Variants in ZFPM2 observed in about 807,000 individuals in gnomAD.
ZFPM2 encodes the protein zinc finger protein ZFPM2.
ZFPM2 carries 20 observed loss-of-function variants against 98.6 expected under a neutral mutation model. That is an observed-to-expected ratio of 0.20 (90% CI 0.14 to 0.29). The LOEUF (loss-of-function observed/expected upper bound fraction) is 0.29. ZFPM2 is among the 10% of genes least tolerant of loss of function. ZFPM2 has a pLI of 1.00. For synonymous variants in ZFPM2, 518 were observed against 502.7 expected (o/e 1.03, Z -0.41); for missense variants, 1,310 against 1,388.6 (o/e 0.94, Z 0.90).
chr8:105,721,330 T>C (rs939165751), intron 5 of ZFPM2, among the ~76,000 whole-genome samples: 38 of 151,954 alleles, frequency 2.5e-4, no homozygotes, highest in African/African-American at 9.2e-4. Flanking sequence ...ATCCCAGTTA[T>C]AGATAACTGC....
chr8:105,553,793 T>A (rs1036724208), intron 3 of ZFPM2, among the ~76,000 whole-genome samples: 7 of 152,202 alleles, frequency 4.6e-5, no homozygotes, highest in Non-Finnish European at 1.0e-4. Context: ...AGATCAGAAT[T>A]ATCAAGTATC....
At chr8:105,450,739 G>C (rs975265419) in intron 3 of ZFPM2, among the ~76,000 whole-genome samples, 4 of 151,846 alleles carry the variant, frequency 2.6e-5, no homozygotes, top group African/African-American at 9.7e-5. Context: ...TGTATTGGGG[G>C]GGTCAGGAAA....
At chr8:105,787,603 G>A (rs1160315376) in intron 5 of ZFPM2, 1 of 152,082 alleles carries the variant, frequency 6.6e-6, no homozygotes, top group Non-Finnish European at 1.5e-5. Context: ...AGCTCTAAGG[G>A]TGGAAAAAAT....
intron 3 of ZFPM2, among the ~76,000 whole-genome samples, chr8:105,508,228 G>T (rs1813742404): frequency 6.6e-6 from 1 of 152,116 alleles, no homozygotes. Flanking sequence ...TCTGGCAGCT[G>T]CTAGAGTACC....
At chr8:105,443,932 A>G (rs1056872884) in intron 2 of ZFPM2, among the ~76,000 whole-genome samples, 3 of 152,200 alleles carry the variant, frequency 2.0e-5, no homozygotes, top group Non-Finnish European at 4.4e-5. Context: ...TATAATTTGG[A>G]AATCAATGAG....
At chr8:105,719,469 T>A (rs1228059145) in intron 5 of ZFPM2, among the ~76,000 whole-genome samples, 1 of 151,908 alleles carries the variant, frequency 6.6e-6, no homozygotes, top group Non-Finnish European at 1.5e-5. Context: ...GCTTAATATC[T>A]TGGACTCTGA....
intron 5 of ZFPM2, among the ~76,000 whole-genome samples, chr8:105,703,503 T>C (rs2130961095): frequency 6.6e-6 from 1 of 152,250 alleles, no homozygotes; most frequent in Non-Finnish European, 1.5e-5. Context: ...GAAAGTTTTT[T>C]GTTGTTGTTT....
rs868335295 is a variant in ZFPM2 at position 105,803,176 on chromosome 8, C to T, written c.3094C>T (p.Leu1032=). 6.2e-7 allele frequency: 1 copy of T among 1,613,850 alleles called. No individual in the cohort carries two copies. Among genetic ancestry groups the T allele is most frequent in the Middle Eastern group, 1.7e-4 (1 of 6,060 alleles). ...GTGTGCTGCGCTGAAGAAAGATTCT[C>T]TGCCATTGTTGCCCAAAAATCGAGG... ...NGCAALKKDS[L]PLLPKNRGMV... is the part of the protein sequence containing the mutation. Residue 1032 remains leucine (L), a synonymous_variant, in exon 8 of 8, where the codon CTG becomes TTG. Transcript: ENST00000407775.
At chr8:105,762,360 T>G (rs1337423932) in intron 5 of ZFPM2, among the ~76,000 whole-genome samples, 1 of 151,952 alleles carries the variant, frequency 6.6e-6, no homozygotes, top group East Asian at 1.9e-4. Flanking sequence ...AAGTTTTTGG[T>G]AACACAGAGT....
chr8:105,702,533 C>T (rs533709474), intron 5 of ZFPM2, among the ~76,000 whole-genome samples: 2 of 152,290 alleles, frequency 1.3e-5, no homozygotes, highest in South Asian at 2.1e-4. Flanking sequence ...GATTTTTCCT[C>T]TCAGATTTTA....
intron 4 of ZFPM2, among the ~76,000 whole-genome samples, chr8:105,564,022 G>T (rs1029171844): frequency 9.9e-5 from 15 of 151,946 alleles, no homozygotes; most frequent in Non-Finnish European, 2.2e-4. Context: ...ATGCTAAATC[G>T]TGATGGATAG....
At chr8:105,437,228 C>T (rs1235775945) in intron 2 of ZFPM2, among the ~76,000 whole-genome samples, 1 of 152,102 alleles carries the variant, frequency 6.6e-6, no homozygotes, top group Non-Finnish European at 1.5e-5. Flanking sequence ...AATGTGTATA[C>T]TTAACTACTA....
Position 105,802,977 on chromosome 8 carries a change from A to G in ZFPM2, c.2895A>G (p.Gln965=). The G allele has an allele frequency of 1.2e-6, 2 of 1,612,832 alleles. No homozygotes were observed. The highest frequency in any genetic ancestry group is 1.7e-4 in the Middle Eastern group (1 of 6,058). ...KEENRHLFLP[Q]CLYPGAIKKA... ...AAAACAGACATTTGTTTCTTCCACAATGCCTTTACCCTGGAGCAATAAAGA... is the reference window on the plus strand; with the variant it reads ...AAAACAGACATTTGTTTCTTCCACAGTGCCTTTACCCTGGAGCAATAAAGA... The change falls in exon 8 of 8, where the codon CAA becomes CAG. Residue 965 remains glutamine, a synonymous_variant. Transcript: ENST00000407775.
chr8:105,803,625 C>T lies in ZFPM2; in HGVS notation c.*87C>T. 7.6e-7 allele frequency: 1 copy of T among 1,313,280 alleles called. No homozygotes were observed. The highest frequency in any genetic ancestry group is 1.1e-6 in the Non-Finnish European group (1 of 941,310). 81.4% of individuals were successfully genotyped at this position (1,313,280 alleles called of 1,614,324 possible). ...AAAAAAAAATAAGCTGTTTGAATTA[C>T]ATCTGGGCAATCAGGAGATAATTCA... On this transcript the variant is annotated 3_prime_UTR_variant, in exon 8 of 8. Coordinates refer to ENST00000407775, the MANE Select transcript of ZFPM2 (RefSeq NM_012082.4).
chr8:105,641,303 T>C (rs912759726), intron 5 of ZFPM2, among the ~76,000 whole-genome samples: 4 of 152,056 alleles, frequency 2.6e-5, no homozygotes, highest in African/African-American at 4.8e-5. Flanking sequence ...GATGGTGGTA[T>C]AACAGTAATT....
Position 105,410,116 on chromosome 8 carries a change from G to A in ZFPM2, c.41-9028G>A, listed in dbSNP as rs1811546208. ...GAGAAATTGACCTACTTGATGAAATGTGGGCTAGATACAAATTGTATTAAT... is the reference window on the plus strand; with the variant it reads ...GAGAAATTGACCTACTTGATGAAATATGGGCTAGATACAAATTGTATTAAT... On this transcript the variant is annotated intron_variant, in intron 1 of 7. Coordinates refer to ENST00000407775, the MANE Select transcript of ZFPM2 (RefSeq NM_012082.4). Among the ~76,000 whole-genome samples the A allele has an allele frequency of 5.3e-5, 8 of 151,854 alleles. No homozygotes were observed. The South Asian group carries it at 1.7e-3, about 31-fold the overall frequency.
chr8:105,556,967 A>C (rs1166295809), intron 3 of ZFPM2, among the ~76,000 whole-genome samples: 7 of 152,006 alleles, frequency 4.6e-5, no homozygotes, highest in Non-Finnish European at 8.8e-5. Flanking sequence ...CAGGTGATCC[A>C]ATCACCTCGG....
intron 1 of ZFPM2, among the ~76,000 whole-genome samples, chr8:105,335,859 G>T (rs1420249061): frequency 6.6e-6 from 1 of 151,804 alleles, no homozygotes; most frequent in Non-Finnish European, 1.5e-5. Context: ...GCTACGTGCA[G>T]CGTATTCTGA....
chr8:105,793,994 G>T (rs1488152264), intron 6 of ZFPM2, among the ~76,000 whole-genome samples: 3 of 152,006 alleles, frequency 2.0e-5, no homozygotes, highest in Admixed American at 2.0e-4. Context: ...TTTTTTCAAA[G>T]ATTTTAACTT....
Sources: allele counts gnomAD v4.1 joint callset (sites outside exome capture counted in the v4.1 genomes callset), GRCh38; gene constraint gnomAD v4.1.1; transcripts MANE v1.5; gene names NCBI Gene and HGNC (gene_info 2026-07-23, HGNC 2026-07-21).